The following ANKS1B variants were observed in gnomAD, a reference collection of about 807,000 sequenced individuals.
The protein encoded by ANKS1B is ankyrin repeat and sterile alpha motif domain-containing protein 1B.
In ANKS1B, 36 loss-of-function variants were observed where a neutral mutation model predicts 148.3. The observed-to-expected ratio is 0.24, with a 90% CI of 0.19 to 0.32. ANKS1B has a LOEUF of 0.32. Ranked by LOEUF, ANKS1B falls within the 10% of genes least tolerant of loss-of-function variation. The pLI, the probability that ANKS1B is intolerant of heterozygous loss-of-function variation, is 1.00. For synonymous variants in ANKS1B, 542 were observed against 560.8 expected (o/e 0.97, Z 0.47); for missense variants, 1,157 against 1,542.6 (o/e 0.75, Z 4.19).
chr12:99,505,671 G>C (rs1279055000), intron 9 of ANKS1B, among the ~76,000 whole-genome samples: 1 of 149,078 alleles, frequency 6.7e-6, no homozygotes, highest in Non-Finnish European at 1.5e-5. Flanking sequence ...GCTAAATGCT[G>C]GACTGTTTTT....
At chr12:99,632,583 C>G (rs2098172746) in intron 9 of ANKS1B, among the ~76,000 whole-genome samples, 1 of 151,092 alleles carries the variant, frequency 6.6e-6, no homozygotes, top group Non-Finnish European at 1.5e-5. Context: ...GGGACTTAAC[C>G]CCCACATCAG....
At chr12:99,911,068 C>T (rs533472812) in intron 1 of ANKS1B, among the ~76,000 whole-genome samples, 70 of 152,106 alleles carry the variant, frequency 4.6e-4, no homozygotes, top group Non-Finnish European at 8.5e-4. Context: ...ACAAGAACTA[C>T]AGTTTTTCTC....
At chr12:99,697,142 G>C (rs928052580) in intron 8 of ANKS1B, among the ~76,000 whole-genome samples, 1 of 152,142 alleles carries the variant, frequency 6.6e-6, no homozygotes, top group Non-Finnish European at 1.5e-5. Context: ...AGTGCAAAAT[G>C]GTACAGCCAC....
At chr12:99,938,362 A>G (rs2094833178) in intron 1 of ANKS1B, among the ~76,000 whole-genome samples, 1 of 152,122 alleles carries the variant, frequency 6.6e-6, no homozygotes, top group South Asian at 2.1e-4. Flanking sequence ...ATTGAGCCCC[A>G]GTTGAGAACT....
chr12:98,802,027 A>C (rs2099008265), intron 20 of ANKS1B, among the ~76,000 whole-genome samples: 1 of 152,162 alleles, frequency 6.6e-6, no homozygotes, highest in East Asian at 1.9e-4. Flanking sequence ...TACGCATGAG[A>C]TATTTCTTAC....
intron 1 of ANKS1B, among the ~76,000 whole-genome samples, chr12:99,975,326 A>G (rs2095613051): frequency 6.6e-6 from 1 of 152,194 alleles, no homozygotes; most frequent in Non-Finnish European, 1.5e-5. Context: ...AGCTTTACCA[A>G]TCAATTACAA....
chr12:98,874,212 G>C (rs1315262550), intron 17 of ANKS1B, among the ~76,000 whole-genome samples: 2 of 152,106 alleles, frequency 1.3e-5, no homozygotes, highest in Admixed American at 6.5e-5. Context: ...TTGTAACTTG[G>C]CAAGTCTGCA....
intron 10 of ANKS1B, among the ~76,000 whole-genome samples, chr12:99,462,373 A>G (rs56932360): frequency 0.029 from 4,385 of 152,282 alleles, 221 homozygotes; most frequent in African/African-American, 0.1. Flanking sequence ...GAGTCATCCC[A>G]GTTTCAGAAT....
intron 8 of ANKS1B, among the ~76,000 whole-genome samples, chr12:99,757,293 A>G (rs7968192): frequency 6.6e-6 from 1 of 151,822 alleles, no homozygotes; most frequent in Non-Finnish European, 1.5e-5. Context: ...AAGAACATTA[A>G]CAGGCACTTC....
intron 16 of ANKS1B, among the ~76,000 whole-genome samples, chr12:99,065,083 C>T (rs1002508690): frequency 2.6e-5 from 4 of 152,298 alleles, no homozygotes; most frequent in African/African-American, 9.6e-5. Context: ...CTAGCATTCA[C>T]ATTTCCAAGC....
chr12:99,578,691 A>G (rs1162395966), intron 9 of ANKS1B, among the ~76,000 whole-genome samples: 1 of 152,180 alleles, frequency 6.6e-6, no homozygotes, highest in Admixed American at 6.5e-5. Context: ...GCTGAAAGAA[A>G]TGAGAGACAA....
At chr12:99,694,802 A>G (rs534404600) in intron 8 of ANKS1B, among the ~76,000 whole-genome samples, 1 of 152,176 alleles carries the variant, frequency 6.6e-6, no homozygotes, top group Non-Finnish European at 1.5e-5. Flanking sequence ...TGCTCAACCT[A>G]TTCCTAGTGC....
chr12:99,436,185 A>G (rs1358921234), intron 11 of ANKS1B, among the ~76,000 whole-genome samples: 1 of 151,868 alleles, frequency 6.6e-6, no homozygotes, highest in African/African-American at 2.4e-5. Flanking sequence ...TTCTCTCCTG[A>G]AGCTTCACCC....
chr12:98,969,896 G>T (rs2099881739), intron 17 of ANKS1B, among the ~76,000 whole-genome samples: 1 of 152,194 alleles, frequency 6.6e-6, no homozygotes, highest in Non-Finnish European at 1.5e-5. Context: ...CTGGATTTGT[G>T]AAAGATGAGA....
At chr12:99,591,609 G>A (rs1034707121) in intron 9 of ANKS1B, among the ~76,000 whole-genome samples, 39 of 151,924 alleles carry the variant, frequency 2.6e-4, no homozygotes, top group African/African-American at 9.4e-4. Flanking sequence ...AGCGGTCCCT[G>A]CCCCCGAAAA....
intron 8 of ANKS1B, among the ~76,000 whole-genome samples, chr12:99,763,191 G>A (rs985747058): frequency 3.3e-5 from 5 of 151,990 alleles, no homozygotes; most frequent in Admixed American, 6.6e-5. Flanking sequence ...ACACATCCAC[G>A]TATGCTCATT....
intron 15 of ANKS1B, among the ~76,000 whole-genome samples, chr12:99,133,547 CT>C (rs1355093216): frequency 2.0e-5 from 3 of 152,178 alleles, no homozygotes; most frequent in Non-Finnish European, 4.4e-5. Context: ...CTTCTCATTT[CT>C]TTTCTCTCTC....
intron 9 of ANKS1B, among the ~76,000 whole-genome samples, chr12:99,555,506 T>C (rs2097266588): frequency 6.6e-6 from 1 of 152,170 alleles, no homozygotes; most frequent in Non-Finnish European, 1.5e-5. Context: ...TGGGCATCCT[T>C]GTCTTGTTTC....
At chr12:99,809,773 CA>C (rs2068096210) in intron 3 of ANKS1B, among the ~76,000 whole-genome samples, 1 of 151,810 alleles carries the variant, frequency 6.6e-6, no homozygotes, top group African/African-American at 2.4e-5. Context: ...TATTAGAAAC[CA>C]AAGATAACTT....
Sources: allele counts gnomAD v4.1 joint callset (sites outside exome capture counted in the v4.1 genomes callset), GRCh38; gene constraint gnomAD v4.1.1; transcripts MANE v1.5; gene names NCBI Gene and HGNC (gene_info 2026-07-23, HGNC 2026-07-21).